The following PIK3R1 variants were observed in gnomAD, a reference collection of about 807,000 sequenced individuals.
PIK3R1 encodes the protein phosphatidylinositol 3-kinase regulatory subunit alpha.
In PIK3R1, 29 loss-of-function variants were observed where a neutral mutation model predicts 98.0. That is an observed-to-expected ratio of 0.30 (90% confidence interval 0.22 to 0.40). The LOEUF (loss-of-function observed/expected upper bound fraction) is 0.40, where lower values mean the gene tolerates loss of function less well. Ranked by LOEUF, PIK3R1 falls within the 10% of genes least tolerant of loss-of-function variation. The pLI is 1.00. For missense variants in PIK3R1, 596 were observed against 872.7 expected (o/e 0.68, Z 3.99); for synonymous variants, 282 against 311.8 (o/e 0.90, Z 1.01).
chr5:68,294,400 G>C (rs1260015243), intron 11 of PIK3R1, 136 bp from the exon 12 acceptor site: 10 of 527,912 alleles, frequency 1.9e-5, no homozygotes, highest in Non-Finnish European at 2.8e-5. Flanking sequence ...CTTGTTTCTG[G>C]GATACTGTTT....
chr5:68,286,429 T>G (rs764567188), intron 7 of PIK3R1, among the ~76,000 whole-genome samples: 11 of 152,212 alleles, frequency 7.2e-5, no homozygotes, highest in Non-Finnish European at 1.3e-4. Flanking sequence ...TGGTGTCAAA[T>G]TTGGACATAC....
chr5:68,281,873 T>C (rs1312781210), intron 7 of PIK3R1, among the ~76,000 whole-genome samples: 1 of 152,194 alleles, frequency 6.6e-6, no homozygotes, highest in Non-Finnish European at 1.5e-5. Context: ...AATGGAGAGT[T>C]AAGTTGTGCT....
chr5:68,243,204 CACATA>C (rs10552908), intron 2 of PIK3R1, among the ~76,000 whole-genome samples: 129,317 of 151,806 alleles, frequency 0.85, 55,207 homozygotes, highest in South Asian at 0.9. Context: ...TTGTATGTTT[CACATA>C]TGTTCTTGGT....
chr5:68,262,516 A>C (rs1156640404), intron 2 of PIK3R1, among the ~76,000 whole-genome samples: 1 of 102,258 alleles, frequency 9.8e-6, no homozygotes, highest in Admixed American at 9.6e-5. Context: ...ATATGTATAC[A>C]TATAGATACA....
intron 2 of PIK3R1, among the ~76,000 whole-genome samples, chr5:68,253,840 CAT>C (rs1236476394): frequency 6.6e-6 from 1 of 152,126 alleles, no homozygotes; most frequent in South Asian, 2.1e-4. Context: ...TTGGTGTAGT[CAT>C]ATTCTCTCAG....
chr5:68,237,629 G>A (rs1201065774), intron 2 of PIK3R1, among the ~76,000 whole-genome samples: 1 of 150,618 alleles, frequency 6.6e-6, no homozygotes, highest in Non-Finnish European at 1.5e-5. Context: ...TGTTTTCTGA[G>A]TTAAAAAGGC....
rs537922603 is a variant in PIK3R1, at chr5:68,290,462, T to C, written c.917-1797T>C. 2.6e-5 allele frequency among the ~76,000 whole-genome samples: 4 copies of C among 152,318 alleles called. No homozygotes were observed. The East Asian group carries it at 7.7e-4, about 29-fold the overall frequency. ...GGAGAACAGTCAAATTAAACACCTT[T>C]TTGAAAGGATGAGCATGTATATATT... On this transcript the variant is annotated intron_variant, in intron 7 of 15. Coordinates refer to ENST00000521381, the MANE Select transcript of PIK3R1 (RefSeq NM_181523.3).
chr5:68,234,367 A>G (rs1744589022), intron 2 of PIK3R1, among the ~76,000 whole-genome samples: 1 of 152,224 alleles, frequency 6.6e-6, no homozygotes, highest in Admixed American at 6.5e-5. Context: ...AAGGGAATGT[A>G]GTGAGAGGAT....
chr5:68,269,823 G>A (rs1746271875), intron 2 of PIK3R1, among the ~76,000 whole-genome samples: 1 of 151,816 alleles, frequency 6.6e-6, no homozygotes. Context: ...ATTTTAAAGA[G>A]GAAATGGATT....
intron 2 of PIK3R1, among the ~76,000 whole-genome samples, chr5:68,228,576 G>A (rs140046586): frequency 1.5e-4 from 23 of 152,146 alleles, no homozygotes; most frequent in African/African-American, 4.8e-4. Context: ...AGATACATAC[G>A]TAATCGTTTT....
Position 68,261,046 on chromosome 5 carries a change from A to G in PIK3R1, c.335-12344A>G, listed in dbSNP as rs78163950. Among the ~76,000 whole-genome samples the G allele has an allele frequency of 4.5e-3, 681 of 152,278 alleles. 6 individuals carry two copies. Among genetic ancestry groups the G allele is most frequent in the African/African-American group, 0.016 (658 of 41,552 alleles). On this transcript the variant is annotated intron_variant, in intron 2 of 15. Coordinates refer to ENST00000521381, the MANE Select transcript of PIK3R1 (RefSeq NM_181523.3). ...ATTAAATGTTGCCATTCTCCCATTT[A>G]TTTAACTTCCTTCCCTCCATATTTG...
At chr5:68,228,068 T>G (rs929909638) in intron 2 of PIK3R1, among the ~76,000 whole-genome samples, 1 of 152,218 alleles carries the variant, frequency 6.6e-6, no homozygotes, top group Non-Finnish European at 1.5e-5. Flanking sequence ...TTGTGTAGTC[T>G]TCTTTCTTAG....
rs571686366 is a variant in PIK3R1, at chr5:68,252,496, T to G, written c.335-20894T>G. Among the ~76,000 whole-genome samples, 7 of 152,310 alleles carry G rather than the reference T, an allele frequency of 4.6e-5. No homozygotes were observed. In the East Asian group the frequency reaches 1.2e-3, roughly 25 times the overall value. Reference sequence around the variant, plus strand: ...AGAATAAAATGTGGTTCCAATTTGTTGTACTGGGCTCAAGATGATAATATT... The same window carrying G: ...AGAATAAAATGTGGTTCCAATTTGTGGTACTGGGCTCAAGATGATAATATT... On this transcript the variant is annotated intron_variant, in intron 2 of 15. Coordinates refer to ENST00000521381, the MANE Select transcript of PIK3R1 (RefSeq NM_181523.3).
chr5:68,262,683 CTGCATGTATACACATGTAGA>C, intron 2 of PIK3R1, among the ~76,000 whole-genome samples: 1 of 23,746 alleles, frequency 4.2e-5, no homozygotes, highest in East Asian at 1.0e-3. Context: ...ATACATGTAT[CTGCATGTATACACATGTAGA>C]TGCATGTAGA....
intron 2 of PIK3R1, among the ~76,000 whole-genome samples, chr5:68,244,272 A>G (rs190907994): frequency 7.9e-5 from 12 of 152,310 alleles, no homozygotes; most frequent in Admixed American, 7.8e-4. Flanking sequence ...GAGTGACAGA[A>G]AATTCCTTTT....
rs138124451 is a variant in PIK3R1, at chr5:68,233,056, A to T, written c.334+6047A>T. Among the ~76,000 whole-genome samples, 70 of 152,310 alleles carry T rather than the reference A, an allele frequency of 4.6e-4. 1 individual carries two copies. The East Asian group carries it at 6.9e-3, about 15-fold the overall frequency. On this transcript the variant is annotated intron_variant, in intron 2 of 15. Transcript: ENST00000521381. ...AACAAGAGACATTCTGATTAGTAAG[A>T]ATTTCTTCTCTGAGTTAGAAAAAAA...
chr5:68,297,378 G>A lies in PIK3R1; in HGVS notation c.1986-34G>A, dbSNP rs769085801. The A allele has an allele frequency of 4.1e-5, 64 of 1,552,360 alleles. No homozygotes were observed. The Admixed American group carries it at 6.0e-4, about 14-fold the overall frequency. ...AAGAGTTGTGAATTGTCTTGGACAA[G>A]CTCAAAAGACAGTTTTTCTTCTCTC... On this transcript the variant is annotated intron_variant, in intron 15 of 15. Coordinates refer to ENST00000521381, the MANE Select transcript of PIK3R1 (RefSeq NM_181523.3).
At chr5:68,251,178 A>G (rs1745293046) in intron 2 of PIK3R1, among the ~76,000 whole-genome samples, 1 of 152,276 alleles carries the variant, frequency 6.6e-6, no homozygotes, top group South Asian at 2.1e-4. Flanking sequence ...TACAGTGGTT[A>G]TATTAGTTAC....
At chr5:68,292,635 C>T in intron 8 of PIK3R1, 1 of 1,399,084 alleles carries the variant, frequency 7.1e-7, no homozygotes, top group Non-Finnish European at 9.4e-7. Context: ...AGTGTGAAGG[C>T]ACTCTATCTA....
Sources: allele counts gnomAD v4.1 joint callset (sites outside exome capture counted in the v4.1 genomes callset), GRCh38; gene constraint gnomAD v4.1.1; transcripts MANE v1.5; gene names NCBI Gene and HGNC (gene_info 2026-07-23, HGNC 2026-07-21).